ACSS3: variants seen among roughly 807,000 people sequenced by gnomAD.
ACSS3 encodes acyl-CoA synthetase short chain family member 3.
ACSS3 carries 64 observed loss-of-function variants against 84.2 expected under a neutral mutation model. That is an observed-to-expected ratio of 0.76 (90% CI 0.62 to 0.94). The LOEUF (loss-of-function observed/expected upper bound fraction) is 0.94, where lower values mean the gene tolerates loss of function less well. ACSS3 is among the 40% of genes least tolerant of loss of function. ACSS3 has a pLI of 0.00. For synonymous variants in ACSS3, 317 were observed against 310.1 expected, an observed-to-expected ratio of 1.02 and a Z score of -0.23; for missense variants, 815 against 867.6, an observed-to-expected ratio of 0.94 and a Z score of 0.76.
intron 11 of ACSS3, among the ~76,000 whole-genome samples, chr12:81,230,509 C>T (rs1273305646): frequency 2.0e-5 from 3 of 151,568 alleles, no homozygotes; most frequent in Non-Finnish European, 4.4e-5. Context: ...AGTGAGAAAT[C>T]GCATAAGTCT....
At chr12:81,202,371 T>C (rs1233086986) in intron 9 of ACSS3, among the ~76,000 whole-genome samples, 2 of 152,164 alleles carry the variant, frequency 1.3e-5, no homozygotes, top group Non-Finnish European at 2.9e-5. Flanking sequence ...TGTTTGATTC[T>C]GGGTGAAAGG....
At chr12:81,140,788 T>A (rs1397914076) in intron 4 of ACSS3, among the ~76,000 whole-genome samples, 1 of 152,100 alleles carries the variant, frequency 6.6e-6, no homozygotes, top group African/African-American at 2.4e-5. Context: ...ACACACACAA[T>A]GTATGCATAT....
At chr12:81,186,022 G>A (rs1203434573) in intron 8 of ACSS3, among the ~76,000 whole-genome samples, 1 of 151,668 alleles carries the variant, frequency 6.6e-6, no homozygotes, top group Non-Finnish European at 1.5e-5. Flanking sequence ...ATAGATCAGT[G>A]TGGCACAGGA....
At chr12:81,102,045 GCACA>G (rs68004924) in intron 1 of ACSS3, among the ~76,000 whole-genome samples, 48,653 of 149,028 alleles carry the variant, frequency 0.33, 8,075 homozygotes, top group Admixed American at 0.45. Flanking sequence ...TTATGCACAC[GCACA>G]CACACACACA....
At chr12:81,192,612 G>A (rs1362234815) in intron 8 of ACSS3, among the ~76,000 whole-genome samples, 1 of 152,076 alleles carries the variant, frequency 6.6e-6, no homozygotes, top group Non-Finnish European at 1.5e-5. Context: ...ACCTCTTCAG[G>A]TGTGCAAACT....
intron 4 of ACSS3, among the ~76,000 whole-genome samples, chr12:81,142,247 T>A (rs958810010): frequency 6.6e-6 from 1 of 152,180 alleles, no homozygotes; most frequent in Admixed American, 6.5e-5. Context: ...TGTTCGCCAA[T>A]TATAAACTTC....
intron 2 of ACSS3, among the ~76,000 whole-genome samples, chr12:81,131,142 A>C (rs1593105696): frequency 6.6e-6 from 1 of 152,314 alleles, no homozygotes; most frequent in Non-Finnish European, 1.5e-5. Context: ...ACATTAAAGT[A>C]GTTTTTTCTG....
chr12:81,087,584 TTAATC>T (rs1305878258), intron 1 of ACSS3, among the ~76,000 whole-genome samples: 6 of 152,298 alleles, frequency 3.9e-5, no homozygotes, highest in African/African-American at 7.2e-5. Context: ...CTAAATAACT[TTAATC>T]TAATGAGTGC....
At chr12:81,132,018 A>G (rs1282603587) in intron 2 of ACSS3, among the ~76,000 whole-genome samples, 1 of 152,130 alleles carries the variant, frequency 6.6e-6, no homozygotes, top group African/African-American at 2.4e-5. Context: ...GTGCTGCTGG[A>G]TTCGGTTTGC....
chr12:81,167,313 G>T (rs946438655), intron 7 of ACSS3, among the ~76,000 whole-genome samples: 1 of 152,166 alleles, frequency 6.6e-6, no homozygotes, highest in Non-Finnish European at 1.5e-5. Flanking sequence ...AGGAAAGGAC[G>T]AGAGAAGAAC....
At chr12:81,202,112 A>G (rs568694641) in intron 9 of ACSS3, among the ~76,000 whole-genome samples, 8 of 152,008 alleles carry the variant, frequency 5.3e-5, no homozygotes, top group African/African-American at 1.4e-4. Flanking sequence ...ACCTGTCTCT[A>G]CTAAAAATAC....
chr12:81,082,247 C>T (rs1344598762), intron 1 of ACSS3, among the ~76,000 whole-genome samples: 1 of 152,192 alleles, frequency 6.6e-6, no homozygotes, highest in Non-Finnish European at 1.5e-5. Context: ...TCCCCAGTGT[C>T]TATTGTTCCC....
At chr12:81,250,491 A>T (rs1247589828) in intron 13 of ACSS3, among the ~76,000 whole-genome samples, 2 of 152,090 alleles carry the variant, frequency 1.3e-5, no homozygotes, top group African/African-American at 2.4e-5. Context: ...CCTTGCTTTT[A>T]TAGAAAAACA....
intron 9 of ACSS3, among the ~76,000 whole-genome samples, chr12:81,211,222 C>T (rs1440396644): frequency 6.6e-6 from 1 of 152,158 alleles, no homozygotes; most frequent in East Asian, 1.9e-4. Flanking sequence ...TCAAGCAGTG[C>T]ACCTGCCTTG....
At chr12:81,097,303 T>C (rs1393056804) in intron 1 of ACSS3, among the ~76,000 whole-genome samples, 2 of 152,216 alleles carry the variant, frequency 1.3e-5, no homozygotes, top group Admixed American at 6.5e-5. Flanking sequence ...TCTGCTGTTG[T>C]AGAGCAAGAA....
intron 8 of ACSS3, among the ~76,000 whole-genome samples, chr12:81,178,321 G>T (rs1389183584): frequency 6.9e-6 from 1 of 145,142 alleles, no homozygotes; most frequent in Non-Finnish European, 1.5e-5. Flanking sequence ...TTGTGGGATG[G>T]GGGGAGGGGG....
chr12:81,108,391 C>T (rs1883273227), intron 1 of ACSS3, among the ~76,000 whole-genome samples: 1 of 151,896 alleles, frequency 6.6e-6, no homozygotes, highest in African/African-American at 2.4e-5. Context: ...CAGTTCTCTG[C>T]CTCAGCCTCC....
rs544847800 is a variant in ACSS3 at position 81,169,763 on chromosome 12, C to G, written c.1099-5025C>G. On this transcript the variant is annotated intron_variant, in intron 7 of 15. Transcript: ENST00000548058. ...ATGTTGCTGTCCCAAGCACTCATCCCTTGATAAAGACACATGACCTATAGT... is the reference window on the plus strand; with the variant it reads ...ATGTTGCTGTCCCAAGCACTCATCCGTTGATAAAGACACATGACCTATAGT... 2.0e-5 allele frequency among the ~76,000 whole-genome samples: 3 copies of G among 152,188 alleles called. No homozygotes were observed. In the East Asian group the frequency reaches 5.8e-4, roughly 29 times the overall value.
rs376667742 is a variant in ACSS3, at chr12:81,163,160, A to G, written c.1098+11064A>G. ...TGATCGGTATAGAAATGAACTCTGTAGTCTTTATATTTGTTTAGGAATCAA... is the reference window on the plus strand; with the variant it reads ...TGATCGGTATAGAAATGAACTCTGTGGTCTTTATATTTGTTTAGGAATCAA... On this transcript the variant is annotated intron_variant, in intron 7 of 15. Coordinates refer to ENST00000548058, the MANE Select transcript of ACSS3 (RefSeq NM_024560.4). 1.1e-4 allele frequency among the ~76,000 whole-genome samples: 17 copies of G among 152,356 alleles called. No homozygotes were observed. In the South Asian group the frequency reaches 3.5e-3, roughly 32 times the overall value.
Sources: gnomAD v4.1 joint callset for allele counts (sites outside exome capture counted in the v4.1 genomes callset) on GRCh38, gnomAD v4.1.1 for gene constraint, MANE v1.5 for transcripts, NCBI Gene and HGNC (gene_info 2026-07-23, HGNC 2026-07-21) for gene names.